The following KIAA1549 variants were observed in gnomAD, a reference collection of about 807,000 sequenced individuals.
KIAA1549 encodes the protein KIAA1549.
Under a neutral mutation model 156.4 loss-of-function variants are expected in KIAA1549, and 70 were observed. The observed-to-expected ratio is 0.45, with a 90% CI of 0.37 to 0.55. KIAA1549 has a LOEUF of 0.55. Ranked by LOEUF, KIAA1549 falls within the 20% of genes least tolerant of loss-of-function variation. The pLI, the probability that KIAA1549 is intolerant of heterozygous loss-of-function variation, is 0.00. For synonymous variants in KIAA1549, 1,103 were observed against 1,066.4 expected (o/e 1.03, Z -0.67); for missense variants, 2,428 against 2,540.9 (o/e 0.96, Z 0.96).
chr7:138,853,756 A>G (rs142963608), intron 16 of KIAA1549, among the ~76,000 whole-genome samples: 4 of 152,304 alleles, frequency 2.6e-5, no homozygotes, highest in East Asian at 1.9e-4. Flanking sequence ...AGAGAAGGAA[A>G]AGAAGCTTCC....
At chr7:138,964,967 C>CT (rs570675887) in intron 1 of KIAA1549, among the ~76,000 whole-genome samples, 11,058 of 141,952 alleles carry the variant, frequency 0.078, 463 homozygotes, top group African/African-American at 0.13. Flanking sequence ...GTTTTTTTTT[C>CT]TTTTTTTTTT....
chr7:138,945,499 G>C (rs1330293599), intron 1 of KIAA1549, among the ~76,000 whole-genome samples: 2 of 152,214 alleles, frequency 1.3e-5, no homozygotes, highest in Non-Finnish European at 2.9e-5. Context: ...AGGTGACCTT[G>C]ACCCCACTAA....
At position 138,869,632 on chromosome 7, in the gene KIAA1549, G is replaced by A. The variant is rs765542806; in HGVS notation, c.4681C>T (p.Arg1561Ter). The A allele has an allele frequency of 2.5e-6, 4 of 1,609,898 alleles. No homozygotes were observed. The highest frequency in any genetic ancestry group is 2.5e-6 in the Non-Finnish European group (3 of 1,178,982). ...DDLSSGDTKE[R>*]HRVYRRAQMQ... ...TGTGCCCTGCGGTACACCCGGTGTC[G>A]CTCCTTAGTGTCGCCCGAGGACAGG... Residue 1561 changes from arginine (R) to a stop codon, truncating the protein, a stop_gained, in exon 14 of 20, where the codon CGA (arginine) becomes TGA (stop). Transcript: ENST00000422774. LOFTEE classifies it high-confidence loss of function.
intron 4 of KIAA1549, among the ~76,000 whole-genome samples, chr7:138,910,009 T>G (rs1451970626): frequency 6.6e-6 from 1 of 152,134 alleles, no homozygotes; most frequent in African/African-American, 2.4e-5. Context: ...GTCTTTATCT[T>G]TTAGAGGCTA....
intron 1 of KIAA1549, among the ~76,000 whole-genome samples, chr7:138,963,389 AG>A (rs1295765816): frequency 6.6e-6 from 1 of 152,242 alleles, no homozygotes; most frequent in Non-Finnish European, 1.5e-5. Flanking sequence ...CCAGCCTGAT[AG>A]GGTACACATT....
At chr7:138,936,451 TGCCTCGCACAACTTCTGTGAGAGACAG>T (rs1241199113) in intron 1 of KIAA1549, among the ~76,000 whole-genome samples, 1 of 152,164 alleles carries the variant, frequency 6.6e-6, no homozygotes, top group Admixed American at 6.5e-5. Flanking sequence ...CTCAGAGCCC[TGCCTCGCACAACTTCTGTGAGAGACAG>T]GCTTTCCAGG....
chr7:138,960,727 C>T lies in KIAA1549; in HGVS notation c.187+20356G>A, dbSNP rs191478935. Among the ~76,000 whole-genome samples the T allele has an allele frequency of 5.1e-5, 6 of 117,004 alleles. No homozygotes were observed. The South Asian group carries it at 1.0e-3, about 20-fold the overall frequency. 76.8% of individuals were successfully genotyped at this position (117,004 alleles called of 152,430 possible). A position where few individuals can be genotyped will look rare whatever the true frequency, so the allele number is the denominator to read the frequency against. ...TGCCACGGCAGGCACCTCACAGAAG[C>T]GTATCTGCGGCCAGAGAGTAAAACT... On this transcript the variant is annotated intron_variant, in intron 1 of 19. Transcript: ENST00000422774.
chr7:138,953,949 T>C (rs1813580453), intron 1 of KIAA1549, among the ~76,000 whole-genome samples: 1 of 152,176 alleles, frequency 6.6e-6, no homozygotes, highest in African/African-American at 2.4e-5. Flanking sequence ...TTCTCAGAGG[T>C]ACAGAAAATA....
intron 12 of KIAA1549, among the ~76,000 whole-genome samples, chr7:138,872,511 T>TTTTTACTTA (rs1286878794): frequency 6.6e-6 from 1 of 152,220 alleles, no homozygotes; most frequent in African/African-American, 2.4e-5. Context: ...ATAAGTATTA[T>TTTTTACTTA]TTTTACAGTA....
intron 14 of KIAA1549, among the ~76,000 whole-genome samples, 154 bp from the exon 15 acceptor site, chr7:138,868,282 T>C (rs1018609300): frequency 3.3e-5 from 5 of 152,156 alleles, no homozygotes; most frequent in Non-Finnish European, 7.3e-5. Context: ...GTCTCTGCTC[T>C]AAGGAAGCTC....
At position 138,918,312 on chromosome 7, in the gene KIAA1549, C is replaced by T. The variant is rs759007729; in HGVS notation, c.1314G>A (p.Met438Ile). ...SPQQVLATSL[M>I]EKDVGSGDGA... ...CATCCCCTGATCCCACGTCTTTCTC[C>T]ATGAGGCTCGTGGCCAGAACTTGCT... is the stretch of plus-strand genomic sequence containing the variant. The change falls in exon 2 of 20, where the codon ATG (methionine) becomes ATA (isoleucine). Residue 438 changes from methionine to isoleucine, a missense_variant. Met to Ile is a conservative substitution (Grantham distance 10). Transcript: ENST00000422774. The surrounding 1 kb of genome is among the most constrained non-coding windows in gnomAD (Gnocchi z 4.2). 1.1e-5 allele frequency: 17 copies of T among 1,614,046 alleles called. No homozygotes were observed. In the Admixed American group the frequency reaches 2.5e-4, roughly 24 times the overall value.
rs1012382417 is a variant in KIAA1549, at chr7:138,917,260, G to A, written c.2366C>T (p.Pro789Leu). 5.0e-6 allele frequency: 8 copies of A among 1,613,878 alleles called. No homozygotes were observed. Among genetic ancestry groups the A allele is most frequent in the Non-Finnish European group, 6.8e-6 (8 of 1,179,802 alleles). The change falls in exon 2 of 20, where the codon CCA becomes CTA. Residue 789 changes from proline to leucine, a missense_variant. This residue lies in a region of KIAA1549 where 762 missense variants were observed against 901.6 expected (regional missense o/e 0.85). Transcript: ENST00000422774. ...ILTAGIQATS[P>L]LTTVHTTPIL... ...GGGCGTTGTGTGGACAGTGGTCAAT[G>A]GTGATGTTGCTTGAATCCCGGCAGT... is the stretch of plus-strand genomic sequence containing the variant.
intron 9 of KIAA1549, among the ~76,000 whole-genome samples, chr7:138,894,930 C>T (rs972545365): frequency 5.9e-5 from 9 of 152,234 alleles, no homozygotes; most frequent in African/African-American, 2.2e-4. Flanking sequence ...ACAGCTGTGT[C>T]TCCAGAACAT....
rs371885622 is a variant in KIAA1549, at chr7:138,861,265, G to A, written c.5121C>T (p.Thr1707=). ...LVAPSSQPAS[T]AGVGPGVPPG... is the part of the protein sequence containing the mutation. ...GTGGGACTCCGGGGCCTACACCTGCGGTGCTGGCAGGCTGGCTGCTGGGGG... is the reference window on the plus strand; with the variant it reads ...GTGGGACTCCGGGGCCTACACCTGCAGTGCTGGCAGGCTGGCTGCTGGGGG... Residue 1707 remains threonine (T), a synonymous_variant, in exon 16 of 20, where the codon ACC becomes ACT. Coordinates refer to ENST00000422774, the MANE Select transcript of KIAA1549 (RefSeq NM_001164665.2). 5.0e-5 allele frequency: 81 copies of A among 1,608,556 alleles called. 2 individuals carry two copies. In the Middle Eastern group the frequency reaches 2.2e-3, roughly 44 times the overall value.
intron 14 of KIAA1549, among the ~76,000 whole-genome samples, chr7:138,868,976 G>T (rs936113967): frequency 7.2e-5 from 11 of 152,194 alleles, no homozygotes; most frequent in African/African-American, 2.7e-4. Flanking sequence ...TTTGAGTAGA[G>T]AAAGACATAC....
chr7:138,874,402 A>G (rs943600882), intron 12 of KIAA1549, among the ~76,000 whole-genome samples: 1 of 152,224 alleles, frequency 6.6e-6, no homozygotes, highest in African/African-American at 2.4e-5. Flanking sequence ...TGTTATCACA[A>G]AAAATAAGTA....
At chr7:138,958,010 T>C (rs916523596) in intron 1 of KIAA1549, among the ~76,000 whole-genome samples, 7 of 152,268 alleles carry the variant, frequency 4.6e-5, no homozygotes, top group African/African-American at 1.7e-4. Context: ...TATTAATCTA[T>C]ATGCTTGTAC....
At chr7:138,979,686 G>C (rs868808990) in intron 1 of KIAA1549, among the ~76,000 whole-genome samples, 29 of 152,312 alleles carry the variant, frequency 1.9e-4, no homozygotes, top group Middle Eastern at 6.8e-3. Flanking sequence ...CACAGGGCTG[G>C]AACTCGCAGG....
intron 1 of KIAA1549, among the ~76,000 whole-genome samples, chr7:138,936,924 T>C (rs1813030409): frequency 6.6e-6 from 1 of 152,006 alleles, no homozygotes; most frequent in Non-Finnish European, 1.5e-5. Flanking sequence ...TCCCCTCCAA[T>C]CCATCTGGAG....
Sources: allele counts gnomAD v4.1 joint callset (sites outside exome capture counted in the v4.1 genomes callset), GRCh38; gene constraint gnomAD v4.1.1; regional missense constraint gnomAD v4.1.1; non-coding constraint Gnocchi (gnomAD v3.1); transcripts MANE v1.5; gene names NCBI Gene and HGNC (gene_info 2026-07-23, HGNC 2026-07-21).